INSR: variants seen among roughly 807,000 people sequenced by gnomAD.
INSR encodes IR.
A neutral mutation model predicts 142.6 loss-of-function variants in INSR; 67 were observed. That is an observed-to-expected ratio of 0.47 (90% confidence interval 0.39 to 0.58). The LOEUF is 0.58. INSR is among the 20% of genes least tolerant of loss of function. The pLI, the probability that INSR is intolerant of heterozygous loss-of-function variation, is 0.00. For missense variants in INSR, 1,248 were observed against 1,833.2 expected (o/e 0.68, Z 5.83); for synonymous variants, 756 against 743.1 (o/e 1.02, Z -0.28).
intron 2 of INSR, among the ~76,000 whole-genome samples, chr19:7,256,894 A>C (rs1327703994): frequency 6.6e-6 from 1 of 151,074 alleles, no homozygotes; most frequent in Admixed American, 6.6e-5. Context: ...TGAGAGATTC[A>C]AGTGGGCCAT....
intron 2 of INSR, among the ~76,000 whole-genome samples, chr19:7,191,891 G>GAA (rs1491242542): frequency 1.5e-4 from 2 of 13,052 alleles, no homozygotes; most frequent in Non-Finnish European, 3.3e-4. Context: ...AGGAGGAAGG[G>GAA]AGAGAGAGAA....
intron 2 of INSR, among the ~76,000 whole-genome samples, chr19:7,255,943 A>C (rs1311014764): frequency 6.6e-6 from 1 of 151,922 alleles, no homozygotes; most frequent in African/African-American, 2.4e-5. Context: ...TCCAATCTGG[A>C]ACAATCTCTC....
At chr19:7,285,593 A>G (rs1466496666) in intron 1 of INSR, among the ~76,000 whole-genome samples, 1 of 152,130 alleles carries the variant, frequency 6.6e-6, no homozygotes, top group African/African-American at 2.4e-5. Flanking sequence ...TTAGGACCAC[A>G]CCACTGCACT....
rs777967988 is a variant in INSR at position 7,117,024 on chromosome 19, AC to A, written c.*31del. 44 of 1,556,588 alleles carry A rather than the reference AC, an allele frequency of 2.8e-5. No individual in the cohort carries two copies. In the African/African-American group the frequency reaches 5.7e-4, roughly 20 times the overall value. The stretch of plus-strand genomic sequence containing the variant: ...AAACCAGAGGAAAGCGAAAATGGGA[AC>A]CCCTGCCCGCCCCCGCCACGGTAGG... On this transcript the variant is annotated 3_prime_UTR_variant, in exon 22 of 22. Transcript: ENST00000302850.
At chr19:7,134,627 T>C (rs975798001) in intron 13 of INSR, among the ~76,000 whole-genome samples, 3 of 151,766 alleles carry the variant, frequency 2.0e-5, no homozygotes, top group Non-Finnish European at 4.4e-5. Flanking sequence ...TAGCCAGTTG[T>C]GGTGGTGTGC....
intron 17 of INSR, among the ~76,000 whole-genome samples, chr19:7,124,155 A>G (rs1443739644): frequency 6.6e-6 from 1 of 152,026 alleles, no homozygotes; most frequent in African/African-American, 2.4e-5. Context: ...CGAGGTCAGG[A>G]GTTCAAGACC....
intron 11 of INSR, 144 bp from the exon 12 acceptor site, chr19:7,143,234 G>T: frequency 1.1e-6 from 1 of 912,830 alleles, no homozygotes; most frequent in Non-Finnish European, 1.7e-6. Flanking sequence ...TTACAATACA[G>T]ACTGCCAGGA....
intron 9 of INSR, among the ~76,000 whole-genome samples, chr19:7,158,230 G>A (rs1335006165): frequency 6.6e-6 from 1 of 152,002 alleles, no homozygotes. Flanking sequence ...GCCAGGCGCG[G>A]TGACTCACGC....
At chr19:7,247,407 G>A (rs1237161519) in intron 2 of INSR, among the ~76,000 whole-genome samples, 11 of 152,200 alleles carry the variant, frequency 7.2e-5, no homozygotes, top group Admixed American at 6.5e-4. Flanking sequence ...CTCCTTCCTT[G>A]TTCCTCTTCT....
At chr19:7,205,909 C>T (rs959039712) in intron 2 of INSR, among the ~76,000 whole-genome samples, 5 of 151,958 alleles carry the variant, frequency 3.3e-5, no homozygotes, top group African/African-American at 1.2e-4. Flanking sequence ...ATCAGACCTG[C>T]GAGCCACAGC....
At chr19:7,292,090 G>A (rs867134194) in intron 1 of INSR, among the ~76,000 whole-genome samples, 3 of 48,102 alleles carry the variant, frequency 6.2e-5, no homozygotes, top group South Asian at 5.9e-4. Flanking sequence ...ACCACGCCCC[G>A]CCTTTTTTTT....
Position 7,184,612 on chromosome 19 carries a change from G to A in INSR, c.678C>T (p.His226=), listed in dbSNP as rs756094905. 2.9e-5 allele frequency: 46 copies of A among 1,612,362 alleles called. No homozygotes were observed. The highest frequency in any genetic ancestry group is 3.6e-5 in the Non-Finnish European group (43 of 1,179,804). ...QKVCPTICKS[H]GCTAEGLCCH... is the part of the protein sequence containing the mutation. ...AACAGAGGCCTTCGGCGGTGCAGCC[G>A]TGTGACTTACAGATGGTCGGGCAAA... is the stretch of plus-strand genomic sequence containing the variant. The change falls in exon 3 of 22, where the codon CAC becomes CAT. Residue 226 remains histidine, a synonymous_variant. Transcript: ENST00000302850.
chr19:7,267,288 T>C lies in INSR; in HGVS notation c.652+57A>G. The C allele has an allele frequency of 6.3e-7, 1 of 1,575,844 alleles. No homozygotes were observed. On this transcript the variant is annotated intron_variant, in intron 2 of 21. Transcript: ENST00000302850. The surrounding 1 kb of genome is among the most constrained non-coding windows in gnomAD (Gnocchi z 6.3). ...AACATTTTTAAGCCATAAAACATTTTAAGCTTTCTAGAACAAGGCACGAGA... is the reference window on the plus strand; with the variant it reads ...AACATTTTTAAGCCATAAAACATTTCAAGCTTTCTAGAACAAGGCACGAGA...
rs1381886306 is a variant in INSR, at chr19:7,192,018, G to A, written c.653-7381C>T. On this transcript the variant is annotated intron_variant, in intron 2 of 21. Coordinates refer to ENST00000302850, the MANE Select transcript of INSR (RefSeq NM_000208.4). The surrounding 1 kb of genome is among the most constrained non-coding windows in gnomAD (Gnocchi z 4.2). ...GAGAGAGAGAGAAAGAAAGAAGAGGGAGAAAGAAAGAGAAAGAAAGAGGCA... is the reference window on the plus strand; with the variant it reads ...GAGAGAGAGAGAAAGAAAGAAGAGGAAGAAAGAAAGAGAAAGAAAGAGGCA... 2.1e-5 allele frequency among the ~76,000 whole-genome samples: 3 copies of A among 145,878 alleles called. No homozygotes were observed. The highest frequency in any genetic ancestry group is 3.0e-5 in the Non-Finnish European group (2 of 66,372).
At chr19:7,254,281 TG>T (rs1976823003) in intron 2 of INSR, among the ~76,000 whole-genome samples, 1 of 152,088 alleles carries the variant, frequency 6.6e-6, no homozygotes, top group Admixed American at 6.6e-5. Flanking sequence ...TGGGGGAGGC[TG>T]AAGCGAGAGG....
chr19:7,250,576 AGGAGGGAGGGAAGGAAGGAAGGAG>A (rs1414803237), intron 2 of INSR, among the ~76,000 whole-genome samples: 2 of 109,558 alleles, frequency 1.8e-5, no homozygotes, highest in African/African-American at 7.2e-5. Context: ...AAAGGAAGGA[AGGAGGGAGGGAAGGAAGGAAGGAG>A]AGGAGGGAGG....
chr19:7,184,250 T>C (rs944339777), intron 3 of INSR, 66 bp downstream of exon 3: 1 of 1,418,248 alleles, frequency 7.1e-7, no homozygotes, highest in African/African-American at 1.4e-5. Flanking sequence ...ACAAGCGGCA[T>C]CGTCACAACC....
chr19:7,158,013 AT>A (rs1241489786), intron 9 of INSR, among the ~76,000 whole-genome samples: 1 of 151,124 alleles, frequency 6.6e-6, no homozygotes. Context: ...GGAAAAAAAA[AT>A]GTAGAACTGC....
rs1409052629 is a variant in INSR, at chr19:7,288,684, C to T, written c.100+5108G>A. On this transcript the variant is annotated intron_variant, in intron 1 of 21. Coordinates refer to ENST00000302850, the MANE Select transcript of INSR (RefSeq NM_000208.4). ...AAAAAAAAAAAAAAAAAAAAAGGGC[C>T]GGACACGGTGGCTCATGCCCGTAAT... Among the ~76,000 whole-genome samples, 3 of 147,048 alleles carry T rather than the reference C, an allele frequency of 2.0e-5. No individual in the cohort carries two copies. The South Asian group carries it at 6.4e-4, about 31-fold the overall frequency.
Sources: allele counts gnomAD v4.1 joint callset (sites outside exome capture counted in the v4.1 genomes callset), GRCh38; gene constraint gnomAD v4.1.1; non-coding constraint Gnocchi (gnomAD v3.1); transcripts MANE v1.5; gene names NCBI Gene and HGNC (gene_info 2026-07-23, HGNC 2026-07-21).